SHROOM2: variants seen among roughly 807,000 people sequenced by gnomAD.
The protein encoded by SHROOM2 is shroom family member 2.
A neutral mutation model predicts 75.9 loss-of-function variants in SHROOM2; 33 were observed. The observed-to-expected ratio is 0.43, with a 90% CI of 0.33 to 0.58. The LOEUF is 0.58. SHROOM2 is among the 20% of genes least tolerant of loss of function. The pLI is 0.04. For synonymous variants in SHROOM2, 655 were observed against 663.6 expected, an observed-to-expected ratio of 0.99 and a Z score of 0.20; for missense variants, 1,434 against 1,461.2, an observed-to-expected ratio of 0.98 and a Z score of 0.30.
intron 1 of SHROOM2, among the ~76,000 whole-genome samples, chrX:9,801,836 G>C: frequency 9.1e-6 from 1 of 110,189 alleles, no homozygotes; most frequent in South Asian, 3.9e-4. Flanking sequence ...GGCACCTGTA[G>C]TCCAAGCTGC....
At chrX:9,880,313 C>G (rs746767386) in intron 2 of SHROOM2, among the ~76,000 whole-genome samples, 346 of 112,883 alleles carry the variant, frequency 3.1e-3, no homozygotes, top group Non-Finnish European at 5.3e-3. Context: ...GTAGATGAGG[C>G]CTTTGCAGGT....
chrX:9,895,373 C>T lies in SHROOM2; in HGVS notation c.1465C>T (p.Gln489Ter). ...TGTGCAGGGAGACCTGCAAGCAGCACAGCTCTGGGCGGGATGCTGGCCTTC... is the reference window on the plus strand; with the variant it reads ...TGTGCAGGGAGACCTGCAAGCAGCATAGCTCTGGGCGGGATGCTGGCCTTC... ...PCVQGDLQAA[Q>*]LWAGCWPSDT... The change falls in exon 4 of 10, where the codon CAG (glutamine) becomes TAG (stop). Residue 489 changes from glutamine (Q) to a stop codon, truncating the protein, a stop_gained. Coordinates refer to ENST00000380913, the MANE Select transcript of SHROOM2 (RefSeq NM_001649.4). LOFTEE classifies it high-confidence loss of function. 8.4e-7 allele frequency: 1 copy of T among 1,192,894 alleles called. No homozygotes were observed. Among genetic ancestry groups the T allele is most frequent in the Non-Finnish European group, 1.1e-6 (1 of 886,656 alleles).
Position 9,839,434 on chromosome X carries a change from G to A in SHROOM2, c.166-34218G>A, listed in dbSNP as rs776510618. Among the ~76,000 whole-genome samples, 173 of 111,003 alleles carry A rather than the reference G, an allele frequency of 1.6e-3. 1 individual carries two copies. The highest frequency in any genetic ancestry group is 5.1e-3 in the African/African-American group (155 of 30,419). On this transcript the variant is annotated intron_variant, in intron 1 of 9. Transcript: ENST00000380913. ...CAAGTCCTAAGGTCAGAGAGCTCCCGCCTCCATGAAACTATCACTGTGGGG... is the reference window on the plus strand; with the variant it reads ...CAAGTCCTAAGGTCAGAGAGCTCCCACCTCCATGAAACTATCACTGTGGGG...
chrX:9,895,682 C>T lies in SHROOM2; in HGVS notation c.1774C>T (p.Gln592Ter). The change falls in exon 4 of 10, where the codon CAG (glutamine) becomes TAG (stop). Residue 592 changes from glutamine (Q) to a stop codon, truncating the protein, a stop_gained. Coordinates refer to ENST00000380913, the MANE Select transcript of SHROOM2 (RefSeq NM_001649.4). LOFTEE classifies it high-confidence loss of function. ...GACGCCCCTGTTGCACTCCCTGACCCAGGAGGGGAAGCGCCGGCCTGAGAG... is the reference window on the plus strand; with the variant it reads ...GACGCCCCTGTTGCACTCCCTGACCTAGGAGGGGAAGCGCCGGCCTGAGAG... ...QETPLLHSLT[Q>*]EGKRRPESSP... 8.5e-7 allele frequency: 1 copy of T among 1,179,616 alleles called. No individual in the cohort carries two copies.
chrX:9,897,450 G>T (rs2084338742), intron 4 of SHROOM2, among the ~76,000 whole-genome samples: 1 of 108,653 alleles, frequency 9.2e-6, no homozygotes, highest in East Asian at 2.9e-4. Flanking sequence ...GGTGGGTGCG[G>T]TGGTGCATTT....
At chrX:9,830,541 G>T (rs1481328940) in intron 1 of SHROOM2, among the ~76,000 whole-genome samples, 2 of 94,991 alleles carry the variant, frequency 2.1e-5, no homozygotes, top group African/African-American at 7.7e-5. Context: ...TAAGAAAATT[G>T]ATCAGTTTAG....
intron 1 of SHROOM2, among the ~76,000 whole-genome samples, chrX:9,847,739 G>A (rs184805466): frequency 9.0e-6 from 1 of 111,714 alleles, no homozygotes; most frequent in Admixed American, 9.5e-5. Flanking sequence ...TCTGCATTCT[G>A]GTAATGCCTA....
rs199662521 is a variant in SHROOM2 at position 9,792,157 on chromosome X, AAT to A, written c.165+5449_165+5450del. ...AATAGAATAGAATAGAATAGAATAG[AAT>A]AATCACCAGTATCTGATACAGGGAG... On this transcript the variant is annotated intron_variant, in intron 1 of 9. Transcript: ENST00000380913. Among the ~76,000 whole-genome samples the A allele has an allele frequency of 3.8e-4, 4 of 10,423 alleles. 1 individual carries two copies. Among genetic ancestry groups the A allele is most frequent in the Admixed American group, 3.8e-3 (2 of 522 alleles). 9.1% of individuals were successfully genotyped at this position (10,423 alleles called of 115,157 possible).
chrX:9,895,273 C>G lies in SHROOM2; in HGVS notation c.1365C>G (p.Asp455Glu), dbSNP rs1285593757. 8.5e-7 allele frequency: 1 copy of G among 1,181,324 alleles called. No homozygotes were observed. Among genetic ancestry groups the G allele is most frequent in the African/African-American group, 1.8e-5 (1 of 56,671 alleles). Residue 455 changes from aspartate (D) to glutamate (E), a missense_variant, in exon 4 of 10, where the codon GAC becomes GAG. By Grantham distance (45) the Asp-to-Glu change is conservative. Around this residue, in one of 3 missense-constraint regions of SHROOM2, gnomAD observed 1,340 missense variants for 1,338.3 expected, o/e 1.00. Coordinates refer to ENST00000380913, the MANE Select transcript of SHROOM2 (RefSeq NM_001649.4). ...CAGGGGCTGCCAGCTTCCAGAACGA[C>G]AGCCCTCCTCAGGTGAGGGGGCTCA... ...QEPGAASFQN[D>E]SPPQVRGLSS...
In SHROOM2 at chrX:9,948,353, A is replaced by G. The variant is rs2084840988; in HGVS notation, c.*1416A>G. The G allele has an allele frequency of 8.8e-6, 1 of 113,027 alleles. No individual in the cohort carries two copies. Among genetic ancestry groups the G allele is most frequent in the Admixed American group, 9.3e-5 (1 of 10,701 alleles). The allele number at this position is 113,027 out of a possible 1,213,427, so 9.3% of individuals were successfully genotyped here. Reference sequence around the variant, plus strand: ...AAAATGTTTAATTAAATGCATGTTAATGGTGAGTGAATCCCTTGGGTGACT... The same window carrying G: ...AAAATGTTTAATTAAATGCATGTTAGTGGTGAGTGAATCCCTTGGGTGACT... On this transcript the variant is annotated 3_prime_UTR_variant, in exon 10 of 10. Transcript: ENST00000380913.
chrX:9,878,076 G>A (rs2084210920), intron 2 of SHROOM2, among the ~76,000 whole-genome samples: 1 of 112,089 alleles, frequency 8.9e-6, no homozygotes, highest in Non-Finnish European at 1.9e-5. Flanking sequence ...AAACACCCTA[G>A]GGAAAATTTC....
At chrX:9,924,589 C>T (rs1007786674) in intron 5 of SHROOM2, among the ~76,000 whole-genome samples, 4 of 110,975 alleles carry the variant, frequency 3.6e-5, no homozygotes, top group Admixed American at 9.6e-5. Flanking sequence ...CTCCTTGCCT[C>T]GGGCAGTCCT....
intron 4 of SHROOM2, among the ~76,000 whole-genome samples, chrX:9,897,705 C>T (rs769298027): frequency 1.2e-5 from 1 of 83,856 alleles, no homozygotes; most frequent in Non-Finnish European, 2.3e-5. Context: ...AAAAAAGAAC[C>T]ACTAGTAATT....
chrX:9,898,373 G>A, intron 5 of SHROOM2, 83 bp downstream of exon 5: 1 of 764,215 alleles, frequency 1.3e-6, no homozygotes, highest in East Asian at 3.5e-5. Flanking sequence ...TGGTTAACAT[G>A]GCTAGATGTC....
intron 1 of SHROOM2, among the ~76,000 whole-genome samples, chrX:9,807,460 A>G (rs1450571670): frequency 1.8e-5 from 2 of 111,935 alleles, no homozygotes; most frequent in Non-Finnish European, 3.8e-5. Context: ...GGAGACAGGA[A>G]CAGGCTTCAG....
At chrX:9,832,321 G>A (rs760576725) in intron 1 of SHROOM2, among the ~76,000 whole-genome samples, 118 of 111,175 alleles carry the variant, frequency 1.1e-3, no homozygotes, top group African/African-American at 3.7e-3. Flanking sequence ...TGTCTCTCTA[G>A]CCCGCCGAGC....
intron 2 of SHROOM2, among the ~76,000 whole-genome samples, chrX:9,875,042 C>G (rs935472896): frequency 1.8e-4 from 14 of 78,289 alleles, no homozygotes; most frequent in Non-Finnish European, 3.0e-4. Context: ...GATTGTGCCA[C>G]TGTATTCCAG....
In SHROOM2 at chrX:9,895,149, G is replaced by C. The variant is rs1401917007; in HGVS notation, c.1241G>C (p.Ser414Thr). Residue 414 changes from serine to threonine, a missense_variant, in exon 4 of 10, where the codon AGC (serine) becomes ACC (threonine). By Grantham distance (58) the Ser-to-Thr change is moderately conservative. This residue lies in a region of SHROOM2 where 1,340 missense variants were observed against 1,338.3 expected (regional missense o/e 1.00). Transcript: ENST00000380913. ...AGTAGGCTGCAGGCCTCTCTGTCCA[G>C]CTCAGATGTGCGCTTCCCTCAGTCT... Reference protein sequence around the residue: ...ASSRLQASLSSSDVRFPQSPH... With the variant: ...ASSRLQASLSTSDVRFPQSPH... The C allele has an allele frequency of 8.3e-7, 1 of 1,208,776 alleles. No individual in the cohort carries two copies. Among genetic ancestry groups the C allele is most frequent in the South Asian group, 1.8e-5 (1 of 56,833 alleles).
At chrX:9,921,080 G>A (rs762453493) in intron 5 of SHROOM2, among the ~76,000 whole-genome samples, 7 of 111,418 alleles carry the variant, frequency 6.3e-5, no homozygotes, top group African/African-American at 1.6e-4. Context: ...TAGAGGATCC[G>A]CTTCCAAGAG....
Sources: allele counts gnomAD v4.1 joint callset (sites outside exome capture counted in the v4.1 genomes callset), GRCh38; gene constraint gnomAD v4.1.1; regional missense constraint gnomAD v4.1.1; transcripts MANE v1.5; gene names NCBI Gene and HGNC (gene_info 2026-07-23, HGNC 2026-07-21).